The following SDK1 variants were observed in gnomAD, a reference collection of about 807,000 sequenced individuals.
SDK1 encodes the protein sidekick cell adhesion molecule 1.
A neutral mutation model predicts 245.5 loss-of-function variants in SDK1; 157 were observed. The ratio of observed to expected loss-of-function variants is 0.64; its 90% CI spans 0.56 to 0.73. SDK1 has a LOEUF of 0.73. Ranked by LOEUF, SDK1 falls within the 30% of genes least tolerant of loss-of-function variation. SDK1 has a pLI of 0.00. For synonymous variants in SDK1, 1,647 were observed against 1,278.5 expected (o/e 1.29, Z -6.15); for missense variants, 3,583 against 3,002.3 (o/e 1.19, Z -4.52).
At chr7:3,363,196 A>G (rs972689352) in intron 1 of SDK1, among the ~76,000 whole-genome samples, 2 of 152,158 alleles carry the variant, frequency 1.3e-5, no homozygotes, top group African/African-American at 4.8e-5. Flanking sequence ...TAAATTTATC[A>G]TTTCAAAAAT....
At chr7:4,175,301 CTG>C (rs1449717631) in intron 33 of SDK1, among the ~76,000 whole-genome samples, 1 of 152,222 alleles carries the variant, frequency 6.6e-6, no homozygotes, top group African/African-American at 2.4e-5. Flanking sequence ...TCCCTGGGCT[CTG>C]TCGCAAAATC....
intron 4 of SDK1, among the ~76,000 whole-genome samples, chr7:3,755,222 G>C (rs949592598): frequency 6.6e-6 from 1 of 152,172 alleles, no homozygotes; most frequent in African/African-American, 2.4e-5. Flanking sequence ...ACTAGAAAGG[G>C]GGCGTGTTGT....
intron 4 of SDK1, among the ~76,000 whole-genome samples, chr7:3,689,457 T>C (rs547378106): frequency 6.6e-6 from 1 of 152,292 alleles, no homozygotes; most frequent in East Asian, 1.9e-4. Context: ...GGGCCTGCAT[T>C]CTTGACAGAC....
Position 4,094,048 on chromosome 7 carries a change from G to GT in SDK1, c.3324+14472dup, listed in dbSNP as rs572028771. Among the ~76,000 whole-genome samples the GT allele has an allele frequency of 6.9e-3, 1,043 of 151,800 alleles. 2 individuals are homozygous for GT. The highest frequency in any genetic ancestry group is 0.012 in the Non-Finnish European group (823 of 67,912). On this transcript the variant is annotated intron_variant, in intron 22 of 44. Transcript: ENST00000404826. ...CCTTTTTGCCTAAACGGCCAGGGTGGTTTTTTTTGTGTTTTTTGCTTTTTT... is the reference window on the plus strand; with the variant it reads ...CCTTTTTGCCTAAACGGCCAGGGTGGTTTTTTTTTGTGTTTTTTGCTTTTTT...
chr7:3,884,067 GTTTGTTTGTTTT>G (rs1328573524), intron 5 of SDK1, among the ~76,000 whole-genome samples: 5 of 137,504 alleles, frequency 3.6e-5, no homozygotes, highest in African/African-American at 1.5e-4. Flanking sequence ...TTTGTTTTTT[GTTTGTTTGTTTT>G]TTTGTTTTTT....
chr7:4,018,895 CA>C lies in SDK1; in HGVS notation c.2602+1551del, dbSNP rs552500840. Among the ~76,000 whole-genome samples, 13 of 151,708 alleles carry C rather than the reference CA, an allele frequency of 8.6e-5. No homozygotes were observed. The South Asian group carries it at 2.5e-3, about 29-fold the overall frequency. The stretch of plus-strand genomic sequence containing the variant: ...AGAATGGCAGCAGGGACTCTAGAGA[CA>C]AAAAAAATGAATTGATGAGTGTCCT... On this transcript the variant is annotated intron_variant, in intron 17 of 44. Transcript: ENST00000404826.
intron 1 of SDK1, among the ~76,000 whole-genome samples, chr7:3,582,575 T>C (rs191946474): frequency 2.0e-5 from 3 of 151,302 alleles, no homozygotes; most frequent in African/African-American, 7.3e-5. Flanking sequence ...AATTAACTAT[T>C]GGGTACTAGG....
intron 22 of SDK1, among the ~76,000 whole-genome samples, chr7:4,087,720 G>A (rs1181055451): frequency 6.6e-6 from 1 of 152,216 alleles, no homozygotes; most frequent in Admixed American, 6.5e-5. Context: ...AAGCTGTAAT[G>A]TGAAGAATAC....
At chr7:4,016,936 G>C (rs895569329) in intron 16 of SDK1, among the ~76,000 whole-genome samples, 1 of 152,126 alleles carries the variant, frequency 6.6e-6, no homozygotes, top group Non-Finnish European at 1.5e-5. Context: ...TTTCTTAACC[G>C]TTATGTAGTT....
At chr7:4,246,526 C>G (rs1425323873) in intron 44 of SDK1, among the ~76,000 whole-genome samples, 1 of 152,114 alleles carries the variant, frequency 6.6e-6, no homozygotes, top group Non-Finnish European at 1.5e-5. Context: ...GAAAATGTGA[C>G]CCCTTTACCA....
At position 3,619,233 on chromosome 7, in the gene SDK1, A is replaced by T. The variant is rs762716721; in HGVS notation, c.452A>T (p.Glu151Val). The T allele has an allele frequency of 2.5e-6, 4 of 1,601,638 alleles. No homozygotes were observed. Among genetic ancestry groups the T allele is most frequent in the Non-Finnish European group, 1.7e-6 (2 of 1,169,626 alleles). Residue 151 changes from glutamate (E) to valine (V), a missense_variant, in exon 2 of 45, where the codon GAA (glutamate) becomes GTA (valine). Coordinates refer to ENST00000404826, the MANE Select transcript of SDK1 (RefSeq NM_152744.4). The part of the protein sequence containing the change: ...DDSELTTYSS[E>V]YKYIIPSLQK... The stretch of plus-strand genomic sequence containing the variant: ...AGTGAGCTCACCACCTACAGCAGCG[A>T]ATATAAGTAATTGATCGCTTGAAAA...
chr7:3,965,067 G>T (rs1320579976), intron 9 of SDK1, among the ~76,000 whole-genome samples: 1 of 152,186 alleles, frequency 6.6e-6, no homozygotes, highest in Non-Finnish European at 1.5e-5. Flanking sequence ...TTTCTGCGAA[G>T]GGCCTAATGG....
At chr7:3,718,143 A>G (rs1346522128) in intron 4 of SDK1, among the ~76,000 whole-genome samples, 1 of 152,150 alleles carries the variant, frequency 6.6e-6, no homozygotes, top group Non-Finnish European at 1.5e-5. Context: ...AAGTCATACT[A>G]ACAGCAGTCC....
intron 5 of SDK1, among the ~76,000 whole-genome samples, chr7:3,940,108 G>A (rs1458742641): frequency 2.0e-5 from 3 of 150,136 alleles, no homozygotes; most frequent in Non-Finnish European, 4.4e-5. Context: ...ACTTCTCATT[G>A]TCAGAAAGCA....
At chr7:4,205,287 G>C (rs1429090882) in intron 35 of SDK1, among the ~76,000 whole-genome samples, 1 of 152,168 alleles carries the variant, frequency 6.6e-6, no homozygotes, top group African/African-American at 2.4e-5. Context: ...AGGGATGCCT[G>C]AACCTGTCAT....
At chr7:3,705,800 A>G (rs953837845) in intron 4 of SDK1, among the ~76,000 whole-genome samples, 2 of 151,856 alleles carry the variant, frequency 1.3e-5, no homozygotes, top group Admixed American at 6.6e-5. Flanking sequence ...ACTGTGTTGA[A>G]TAGAAGTGGT....
At chr7:3,671,326 G>GTC (rs892614639) in intron 4 of SDK1, among the ~76,000 whole-genome samples, 2 of 152,188 alleles carry the variant, frequency 1.3e-5, no homozygotes, top group Non-Finnish European at 2.9e-5. Context: ...CATTGTGTGA[G>GTC]TCTAGCCCAT....
intron 1 of SDK1, among the ~76,000 whole-genome samples, chr7:3,504,525 T>A (rs1782327164): frequency 1.3e-5 from 2 of 152,150 alleles, no homozygotes; most frequent in Non-Finnish European, 2.9e-5. Flanking sequence ...AGTCAATTGA[T>A]TTTCCAGAAG....
intron 4 of SDK1, among the ~76,000 whole-genome samples, chr7:3,722,223 C>T (rs1583341956): frequency 6.6e-6 from 1 of 152,058 alleles, no homozygotes; most frequent in Admixed American, 6.5e-5. Context: ...TAAAGAATAC[C>T]CTGGCTTGGT....
Sources: gnomAD v4.1 joint callset for allele counts (sites outside exome capture counted in the v4.1 genomes callset) on GRCh38, gnomAD v4.1.1 for gene constraint, MANE v1.5 for transcripts, NCBI Gene and HGNC (gene_info 2026-07-23, HGNC 2026-07-21) for gene names.